CTNNA3: variants seen among roughly 807,000 people sequenced by gnomAD.
The protein encoded by CTNNA3 is catenin alpha 3, also known as catenin alpha-3.
Under a neutral mutation model 95.7 loss-of-function variants are expected in CTNNA3, and 76 were observed. The ratio of observed to expected loss-of-function variants is 0.79; its 90% CI spans 0.66 to 0.96. CTNNA3 has a LOEUF of 0.96. CTNNA3 is among the 40% of genes least tolerant of loss of function. The pLI, the probability that CTNNA3 is intolerant of heterozygous loss-of-function variation, is 0.00. For missense variants in CTNNA3, 1,191 were observed against 1,089.8 expected, an observed-to-expected ratio of 1.09 and a Z score of -1.31; for synonymous variants, 431 against 374.4, an observed-to-expected ratio of 1.15 and a Z score of -1.74.
At chr10:67,333,053 T>C (rs762384230) in intron 5 of CTNNA3, among the ~76,000 whole-genome samples, 2 of 152,196 alleles carry the variant, frequency 1.3e-5, no homozygotes, top group Non-Finnish European at 2.9e-5. Context: ...TCAGAAAGAA[T>C]AGTCTACATA....
intron 11 of CTNNA3, among the ~76,000 whole-genome samples, chr10:66,387,601 A>C (rs541598195): frequency 6.6e-6 from 1 of 152,274 alleles, no homozygotes; most frequent in East Asian, 1.9e-4. Context: ...CTGGGTATAT[A>C]TACAAAGGAT....
At chr10:66,363,874 A>G (rs573860908) in intron 12 of CTNNA3, among the ~76,000 whole-genome samples, 1 of 152,194 alleles carries the variant, frequency 6.6e-6, no homozygotes, top group South Asian at 2.1e-4. Flanking sequence ...AAGACTATGC[A>G]GCAGGCATTT....
intron 9 of CTNNA3, among the ~76,000 whole-genome samples, chr10:66,647,160 A>G (rs1259436012): frequency 6.6e-6 from 1 of 152,222 alleles, no homozygotes; most frequent in Non-Finnish European, 1.5e-5. Flanking sequence ...AAAAGAATGA[A>G]TGGACATTGT....
intron 5 of CTNNA3, among the ~76,000 whole-genome samples, chr10:67,302,703 A>G (rs543745646): frequency 5.0e-4 from 76 of 152,316 alleles, no homozygotes; most frequent in Non-Finnish European, 9.0e-4. Flanking sequence ...CTCCTGCCAT[A>G]AACTGCCCAT....
intron 11 of CTNNA3, among the ~76,000 whole-genome samples, chr10:66,387,193 C>G (rs1458559630): frequency 1.3e-5 from 2 of 152,010 alleles, no homozygotes; most frequent in African/African-American, 2.4e-5. Flanking sequence ...TTGCAATCTA[C>G]CTATCTGACA....
At chr10:67,183,989 T>TC (rs1254200242) in intron 6 of CTNNA3, among the ~76,000 whole-genome samples, 1 of 152,092 alleles carries the variant, frequency 6.6e-6, no homozygotes, top group South Asian at 2.1e-4. Flanking sequence ...AGGAGCCAAA[T>TC]CGGGACTGTA....
At chr10:66,769,371 CA>C (rs1374349753) in intron 8 of CTNNA3, among the ~76,000 whole-genome samples, 1 of 152,212 alleles carries the variant, frequency 6.6e-6, no homozygotes, top group Admixed American at 6.5e-5. Context: ...ATGCAAAAAA[CA>C]AAGTGTAACT....
chr10:66,851,898 C>T (rs919876902), intron 7 of CTNNA3, among the ~76,000 whole-genome samples: 23 of 152,096 alleles, frequency 1.5e-4, no homozygotes, highest in Admixed American at 4.6e-4. Flanking sequence ...GATACATTTA[C>T]TGACTGCTCA....
intron 5 of CTNNA3, among the ~76,000 whole-genome samples, chr10:67,505,337 G>A (rs1313089021): frequency 6.6e-6 from 1 of 152,002 alleles, no homozygotes; most frequent in Non-Finnish European, 1.5e-5. Context: ...ATTAAAGTTG[G>A]GAAAATGACT....
chr10:67,514,383 C>A (rs561063802), intron 5 of CTNNA3, among the ~76,000 whole-genome samples: 1 of 152,280 alleles, frequency 6.6e-6, no homozygotes, highest in Admixed American at 6.5e-5. Flanking sequence ...TCTAGTATAG[C>A]ATAGCCTCTG....
intron 5 of CTNNA3, among the ~76,000 whole-genome samples, chr10:67,246,219 T>A (rs572371305): frequency 5.9e-5 from 9 of 152,308 alleles, no homozygotes; most frequent in African/African-American, 2.2e-4. Context: ...TGCAGAGTAT[T>A]CACTGTTTAG....
intron 7 of CTNNA3, among the ~76,000 whole-genome samples, chr10:67,071,582 T>C (rs188015168): frequency 3.3e-5 from 5 of 152,222 alleles, no homozygotes; most frequent in Non-Finnish European, 7.4e-5. Flanking sequence ...GAAATGTCCC[T>C]ATGAATGTTT....
At chr10:66,019,955 A>G (rs115674459) in intron 15 of CTNNA3, among the ~76,000 whole-genome samples, 2 of 152,194 alleles carry the variant, frequency 1.3e-5, no homozygotes, top group Non-Finnish European at 2.9e-5. Context: ...CAACTTATTT[A>G]CCTCAGAGGA....
intron 7 of CTNNA3, among the ~76,000 whole-genome samples, chr10:67,164,656 T>G (rs574621901): frequency 6.6e-6 from 1 of 152,094 alleles, no homozygotes; most frequent in African/African-American, 2.4e-5. Context: ...GTCTCATATA[T>G]AGAATGTATA....
intron 11 of CTNNA3, among the ~76,000 whole-genome samples, chr10:66,486,649 A>G (rs1370849634): frequency 2.0e-5 from 3 of 152,168 alleles, no homozygotes; most frequent in Non-Finnish European, 4.4e-5. Flanking sequence ...AAAAAAACTA[A>G]AAATAGAACT....
In CTNNA3 at chr10:66,379,217, T is replaced by C; in HGVS notation, c.1667A>G (p.Asp556Gly). ...CGTGTAAGCCCCTGGCTCGTAACTG[T>C]CCATTTCACCCGTGACGATGTGAGC... ...RVAHIVTGEM[D>G]SYEPGAYTEG... Residue 556 changes from aspartate to glycine, a missense_variant, in exon 12 of 18, where the codon GAC (aspartate) becomes GGC (glycine). Asp to Gly is a moderately conservative substitution (Grantham distance 94). Transcript: ENST00000433211. 1 of 1,614,142 alleles carries C rather than the reference T, an allele frequency of 6.2e-7. No individual in the cohort carries two copies. Among genetic ancestry groups the C allele is most frequent in the East Asian group, 2.2e-5 (1 of 44,872 alleles).
At chr10:66,980,274 C>T (rs1003237484) in intron 7 of CTNNA3, among the ~76,000 whole-genome samples, 2 of 152,268 alleles carry the variant, frequency 1.3e-5, no homozygotes, top group Non-Finnish European at 2.9e-5. Flanking sequence ...GTCTCTTCTC[C>T]TAAGCCAAGT....
At chr10:67,470,792 T>G (rs1248708055) in intron 5 of CTNNA3, among the ~76,000 whole-genome samples, 1 of 152,022 alleles carries the variant, frequency 6.6e-6, no homozygotes, top group Admixed American at 6.5e-5. Flanking sequence ...GTCTTTTTCT[T>G]TTCTTTGACA....
At chr10:67,620,921 GTGTA>G (rs1164426658) in intron 2 of CTNNA3, among the ~76,000 whole-genome samples, 2,543 of 94,660 alleles carry the variant, frequency 0.027, 56 homozygotes, top group African/African-American at 0.11. Flanking sequence ...GTGTGTGTGT[GTGTA>G]TATATATATA....
Sources: gnomAD v4.1 joint callset for allele counts (sites outside exome capture counted in the v4.1 genomes callset) on GRCh38, gnomAD v4.1.1 for gene constraint, MANE v1.5 for transcripts, NCBI Gene and HGNC (gene_info 2026-07-23, HGNC 2026-07-21) for gene names.